ZC3H14: variants seen among roughly 807,000 people sequenced by gnomAD.
ZC3H14 encodes zinc finger CCCH domain-containing protein 14.
In ZC3H14, 31 loss-of-function variants were observed where a neutral mutation model predicts 92.4. The observed-to-expected ratio is 0.34, with a 90% CI of 0.25 to 0.45. The LOEUF (loss-of-function observed/expected upper bound fraction) is 0.45. Ranked by LOEUF, ZC3H14 falls within the 20% of genes least tolerant of loss-of-function variation. ZC3H14 has a pLI of 1.00. For synonymous variants in ZC3H14, 321 were observed against 300.9 expected, an observed-to-expected ratio of 1.07 and a Z score of -0.69; for missense variants, 781 against 897.3, an observed-to-expected ratio of 0.87 and a Z score of 1.66.
intron 2 of ZC3H14, among the ~76,000 whole-genome samples, chr14:88,566,041 G>A (rs1453609341): frequency 1.2e-4 from 1 of 8,556 alleles, no homozygotes; most frequent in Non-Finnish European, 3.2e-4. Flanking sequence ...CCCCCCCCCC[G>A]GCTAATTTTT....
rs926920090 is a variant in ZC3H14 at position 88,613,302 on chromosome 14, G to C, written c.*1551G>C. On this transcript the variant is annotated 3_prime_UTR_variant, in exon 17 of 17. Coordinates refer to ENST00000251038, the MANE Select transcript of ZC3H14 (RefSeq NM_024824.5). ...AAAGGTTTACTCCATTGAATTTAAGGCATTTGTTCATTCCAGTGTTGAGAT... is the reference window on the plus strand; with the variant it reads ...AAAGGTTTACTCCATTGAATTTAAGCCATTTGTTCATTCCAGTGTTGAGAT... 1 of 152,108 alleles carries C rather than the reference G, an allele frequency of 6.6e-6. No individual in the cohort carries two copies. Among genetic ancestry groups the C allele is most frequent in the African/African-American group, 2.4e-5 (1 of 41,424 alleles). The allele number at this position is 152,108 out of a possible 1,614,324, so 9.4% of individuals were successfully genotyped here.
In ZC3H14 at chr14:88,618,381, A is replaced by G; in HGVS notation, c.*6630A>G. Reference sequence around the variant, plus strand: ...CAAGAATTCCATTAGGTGAGAGACAAAATCCACAGGGGGTTTACAGAATAC... The same window carrying G: ...CAAGAATTCCATTAGGTGAGAGACAGAATCCACAGGGGGTTTACAGAATAC... On this transcript the variant is annotated 3_prime_UTR_variant, in exon 17 of 17. Coordinates refer to ENST00000251038, the MANE Select transcript of ZC3H14 (RefSeq NM_024824.5). 1 of 1,507,344 alleles carries G rather than the reference A, an allele frequency of 6.6e-7. No homozygotes were observed. The highest frequency in any genetic ancestry group is 9.2e-7 in the Non-Finnish European group (1 of 1,087,358). 93.4% of individuals were successfully genotyped at this position (1,507,344 alleles called of 1,614,324 possible).
rs2081096567 is a variant in ZC3H14, at chr14:88,575,896, C to T, written c.1079C>T (p.Ser360Phe). The change falls in exon 8 of 17, where the codon TCT (serine) becomes TTT (phenylalanine). Residue 360 changes from serine to phenylalanine, a missense_variant. Physicochemically the swap from Ser to Phe is radical, Grantham distance 155 (BLOSUM62 -2). Around this residue, in one of 3 missense-constraint regions of ZC3H14, gnomAD observed 454 missense variants for 438.5 expected, o/e 1.04. Coordinates refer to ENST00000251038, the MANE Select transcript of ZC3H14 (RefSeq NM_024824.5). The stretch of plus-strand genomic sequence containing the variant: ...AAGAATCTGATTTTGAAGGCTATAT[C>T]TGAAGCTCAAGAATCCGTAACAAAA... The part of the protein sequence containing the change: ...ANKNLILKAI[S>F]EAQESVTKTT... 2.5e-6 allele frequency: 4 copies of T among 1,613,916 alleles called. No individual in the cohort carries two copies. The highest frequency in any genetic ancestry group is 1.7e-6 in the Non-Finnish European group (2 of 1,179,910).
intron 14 of ZC3H14, 144 bp downstream of exon 14, chr14:88,609,547 G>A: frequency 2.9e-6 from 4 of 1,384,946 alleles, no homozygotes; most frequent in Non-Finnish European, 4.1e-6. Flanking sequence ...TAAAGAGCAA[G>A]TGTGCCTATC....
At position 88,620,543 on chromosome 14, in the gene ZC3H14, A is replaced by T; in HGVS notation, c.*8792A>T. 1 of 419,102 alleles carries T rather than the reference A, an allele frequency of 2.4e-6. No homozygotes were observed. Among genetic ancestry groups the T allele is most frequent in the Non-Finnish European group, 4.2e-6 (1 of 240,688 alleles). 26.0% of individuals were successfully genotyped at this position (419,102 alleles called of 1,614,324 possible). ...AATTCATCAAACATTACCTACTAGT[A>T]CTTGCTATTATAGTTGGTGCCCAGT... On this transcript the variant is annotated 3_prime_UTR_variant, in exon 17 of 17. Transcript: ENST00000251038. The surrounding 1 kb of genome is among the most constrained non-coding windows in gnomAD (Gnocchi z 4.3).
intron 3 of ZC3H14, 134 bp downstream of exon 3, chr14:88,568,287 G>C: frequency 1.4e-6 from 1 of 729,112 alleles, no homozygotes; most frequent in Non-Finnish European, 2.5e-6. Context: ...TGAGAGCACA[G>C]CCTCTGTATT....
rs971140819 is a variant in ZC3H14, at chr14:88,593,666, T to C, written c.1280-3068T>C. Among the ~76,000 whole-genome samples, 16 of 152,162 alleles carry C rather than the reference T, an allele frequency of 1.1e-4. 1 individual carries two copies. The highest frequency in any genetic ancestry group is 2.4e-4 in the African/African-American group (10 of 41,432). On this transcript the variant is annotated intron_variant, in intron 9 of 16. Transcript: ENST00000251038. ...CACAGGTGATGCTGGGACAACTGAATATCCACATGAAAAGAATGAAGTTGG... is the reference window on the plus strand; with the variant it reads ...CACAGGTGATGCTGGGACAACTGAACATCCACATGAAAAGAATGAAGTTGG...
At position 88,563,113 on chromosome 14, in the gene ZC3H14, G is replaced by T; in HGVS notation, c.-21G>T. ...TAAGCCAAGCGCCGCGCAGTGCTGA[G>T]TTCCCGCACGCCGCAGAGCCATGGA... On this transcript the variant is annotated 5_prime_UTR_variant, in exon 1 of 17. Coordinates refer to ENST00000251038, the MANE Select transcript of ZC3H14 (RefSeq NM_024824.5). The T allele has an allele frequency of 6.3e-7, 1 of 1,583,922 alleles. No homozygotes were observed.
intron 6 of ZC3H14, among the ~76,000 whole-genome samples, chr14:88,573,279 C>T (rs1381899708): frequency 6.6e-6 from 1 of 151,800 alleles, no homozygotes; most frequent in East Asian, 2.0e-4. Flanking sequence ...ACTCGGGAGG[C>T]TGAGGCAGGA....
In ZC3H14 at chr14:88,617,178, G is replaced by A. The variant is rs188968681; in HGVS notation, c.*5427G>A. On this transcript the variant is annotated 3_prime_UTR_variant, in exon 17 of 17. Transcript: ENST00000251038. The stretch of plus-strand genomic sequence containing the variant: ...TTTTTTTTTTTGAGACGGAGTTTTC[G>A]CTCTTGTTACCCAGGCTGGAGTGCA... 11 of 184,924 alleles carry A rather than the reference G, an allele frequency of 5.9e-5. No individual in the cohort carries two copies. In the South Asian group the frequency reaches 6.1e-4, roughly 10 times the overall value. 11.5% of individuals were successfully genotyped at this position (184,924 alleles called of 1,614,324 possible). A position where few individuals can be genotyped will look rare whatever the true frequency, so the allele number is the denominator to read the frequency against.
Position 88,622,496 on chromosome 14 carries a change from G to C in ZC3H14, c.*10745G>C. ...AGTAATGTTGGCAAGCAAATCCATC[G>C]TTATGCATTATTAAGTATTGTTCAT... On this transcript the variant is annotated 3_prime_UTR_variant, in exon 17 of 17. Coordinates refer to ENST00000251038, the MANE Select transcript of ZC3H14 (RefSeq NM_024824.5). 4.8e-6 allele frequency: 4 copies of C among 839,806 alleles called. 1 individual carries two copies. Among genetic ancestry groups the C allele is most frequent in the Non-Finnish European group, 6.8e-6 (4 of 584,776 alleles). The allele number at this position is 839,806 out of a possible 1,614,324, so 52.0% of individuals were successfully genotyped here. A position where few individuals can be genotyped will look rare whatever the true frequency, so the allele number is the denominator to read the frequency against.
At chr14:88,571,198 G>A (rs1595518288) in intron 4 of ZC3H14, 74 bp downstream of exon 4, 2 of 1,349,890 alleles carry the variant, frequency 1.5e-6, no homozygotes, top group East Asian at 2.4e-5. Flanking sequence ...AAGTCATAGT[G>A]CTTTGGGAAA....
rs1363933717 is a variant in ZC3H14 at position 88,612,430 on chromosome 14, A to T, written c.*679A>T. The T allele has an allele frequency of 1.3e-5, 2 of 152,256 alleles. No individual in the cohort carries two copies. Among genetic ancestry groups the T allele is most frequent in the Non-Finnish European group, 2.9e-5 (2 of 68,082 alleles). 9.4% of individuals were successfully genotyped at this position (152,256 alleles called of 1,614,324 possible). Reference sequence around the variant, plus strand: ...AAGTGCAGAAAATAGGAACAGTTCTATACAGTGCTCTCATTTACTAATAAC... The same window carrying T: ...AAGTGCAGAAAATAGGAACAGTTCTTTACAGTGCTCTCATTTACTAATAAC... On this transcript the variant is annotated 3_prime_UTR_variant, in exon 17 of 17. Coordinates refer to ENST00000251038, the MANE Select transcript of ZC3H14 (RefSeq NM_024824.5).
At chr14:88,569,188 C>A (rs79704762) in intron 3 of ZC3H14, among the ~76,000 whole-genome samples, 1 of 152,112 alleles carries the variant, frequency 6.6e-6, no homozygotes, top group Non-Finnish European at 1.5e-5. Context: ...CTTATAGTTC[C>A]TTTTCCCCCA....
intron 8 of ZC3H14, 124 bp from the exon 9 acceptor site, chr14:88,577,861 G>C: frequency 7.8e-7 from 1 of 1,278,694 alleles, no homozygotes; most frequent in Non-Finnish European, 1.1e-6. Flanking sequence ...GAGCCACTGC[G>C]CCCAGCCTGA....
intron 8 of ZC3H14, 40 bp from the exon 9 acceptor site, chr14:88,577,945 C>T (rs910833761): frequency 6.2e-7 from 1 of 1,612,354 alleles, no homozygotes; most frequent in African/African-American, 1.3e-5. Context: ...TGACGTATTA[C>T]TGCATTTGTA....
In ZC3H14 at chr14:88,622,425, T is replaced by C. The variant is rs1200037290; in HGVS notation, c.*10674T>C. 1 of 457,368 alleles carries C rather than the reference T, an allele frequency of 2.2e-6. No individual in the cohort carries two copies. The highest frequency in any genetic ancestry group is 3.8e-6 in the Non-Finnish European group (1 of 262,854). The allele number at this position is 457,368 out of a possible 1,614,324, so 28.3% of individuals were successfully genotyped here. A position where few individuals can be genotyped will look rare whatever the true frequency, so the allele number is the denominator to read the frequency against. On this transcript the variant is annotated 3_prime_UTR_variant, in exon 17 of 17. Coordinates refer to ENST00000251038, the MANE Select transcript of ZC3H14 (RefSeq NM_024824.5). ...TTAGACAGAATAGCTTCCTAGCTTATGCACCACACTGGTGCTAACTTTGGC... is the reference window on the plus strand; with the variant it reads ...TTAGACAGAATAGCTTCCTAGCTTACGCACCACACTGGTGCTAACTTTGGC...
chr14:88,567,820 T>C, intron 2 of ZC3H14: 1 of 590,284 alleles, frequency 1.7e-6, no homozygotes. Context: ...ATGTTTAGTT[T>C]TGTAAGTATC....
At chr14:88,577,363 T>C (rs981474425) in intron 8 of ZC3H14, among the ~76,000 whole-genome samples, 2 of 152,222 alleles carry the variant, frequency 1.3e-5, no homozygotes, top group African/African-American at 4.8e-5. Flanking sequence ...TTGAAACTCA[T>C]ATAAGATCAT....
Sources: gnomAD v4.1 joint callset for allele counts (sites outside exome capture counted in the v4.1 genomes callset) on GRCh38, gnomAD v4.1.1 for gene constraint, gnomAD v4.1.1 regional missense constraint, Gnocchi (gnomAD v3.1) non-coding constraint, MANE v1.5 for transcripts, NCBI Gene and HGNC (gene_info 2026-07-23, HGNC 2026-07-21) for gene names.